ARHGEF4: variants seen among roughly 807,000 people sequenced by gnomAD.
The protein encoded by ARHGEF4 is APC-stimulated guanine nucleotide exchange factor 1.
In ARHGEF4, 119 loss-of-function variants were observed where a neutral mutation model predicts 162.0. That is an observed-to-expected ratio of 0.73 (90% confidence interval 0.63 to 0.86). ARHGEF4 has a LOEUF of 0.86. Among genes scored for constraint, ARHGEF4 ranks in the 40% least tolerant of loss-of-function variants. The pLI, the probability that ARHGEF4 is intolerant of heterozygous loss-of-function variation, is 0.00. For synonymous variants in ARHGEF4, 1,014 were observed against 979.9 expected (o/e 1.03, Z -0.65); for missense variants, 2,488 against 2,456.0 (o/e 1.01, Z -0.28).
chr2:131,007,809 T>TC, intron 4 of ARHGEF4, among the ~76,000 whole-genome samples: 1 of 129,966 alleles, frequency 7.7e-6, no homozygotes, highest in South Asian at 2.8e-4. Flanking sequence ...TCTTTTTTTT[T>TC]TTTTTTTTTT....
intron 1 of ARHGEF4, among the ~76,000 whole-genome samples, chr2:130,866,510 C>T (rs1030660100): frequency 6.6e-6 from 1 of 152,060 alleles, no homozygotes; most frequent in African/African-American, 2.4e-5. Flanking sequence ...TGATGTTAGC[C>T]GTGGGTTTCG....
intron 4 of ARHGEF4, among the ~76,000 whole-genome samples, chr2:130,968,817 C>T (rs773977354): frequency 2.6e-5 from 4 of 152,150 alleles, no homozygotes; most frequent in Non-Finnish European, 4.4e-5. Context: ...ACTTGGGAGA[C>T]TGAGGCAGGA....
At chr2:130,912,287 G>A (rs866659693) in intron 1 of ARHGEF4, among the ~76,000 whole-genome samples, 3 of 152,244 alleles carry the variant, frequency 2.0e-5, no homozygotes, top group Non-Finnish European at 2.9e-5. Context: ...CGGAGGCAGC[G>A]GCCGGAGACA....
chr2:131,032,684 C>T (rs1689930092), intron 5 of ARHGEF4, among the ~76,000 whole-genome samples: 1 of 151,550 alleles, frequency 6.6e-6, no homozygotes, highest in Non-Finnish European at 1.5e-5. Context: ...ACTGGGGGCT[C>T]ACCCCTCATC....
At chr2:130,895,479 C>A (rs1281538344) in intron 1 of ARHGEF4, among the ~76,000 whole-genome samples, 1 of 152,200 alleles carries the variant, frequency 6.6e-6, no homozygotes, top group Non-Finnish European at 1.5e-5. Flanking sequence ...TATGTTCCCA[C>A]CAGCTGAGTG....
chr2:130,935,389 T>TTC (rs1367926015), intron 3 of ARHGEF4, among the ~76,000 whole-genome samples: 1 of 152,178 alleles, frequency 6.6e-6, no homozygotes, highest in Non-Finnish European at 1.5e-5. Flanking sequence ...TCATCTTTAT[T>TTC]ATTTTCTTCC....
intron 1 of ARHGEF4, among the ~76,000 whole-genome samples, chr2:130,903,853 A>G (rs1488248336): frequency 6.6e-6 from 1 of 152,076 alleles, no homozygotes; most frequent in African/African-American, 2.4e-5. Context: ...AAAGGATTTG[A>G]TTTTGTTCTT....
chr2:130,872,996 G>A (rs1047504150), intron 1 of ARHGEF4, among the ~76,000 whole-genome samples: 2 of 152,200 alleles, frequency 1.3e-5, no homozygotes, highest in African/African-American at 4.8e-5. Context: ...TTTAGAGGCT[G>A]CAAGGCAGCA....
chr2:130,958,421 GT>G (rs1460344505), intron 4 of ARHGEF4, among the ~76,000 whole-genome samples: 1 of 151,230 alleles, frequency 6.6e-6, no homozygotes, highest in African/African-American at 2.4e-5. Context: ...TGGGGAGGCG[GT>G]GGGAGGCAAC....
At chr2:131,004,890 A>G (rs942246772) in intron 4 of ARHGEF4, among the ~76,000 whole-genome samples, 1 of 152,118 alleles carries the variant, frequency 6.6e-6, no homozygotes, top group African/African-American at 2.4e-5. Flanking sequence ...TACAGGAGCA[A>G]CCCCATTCCC....
At chr2:130,993,381 C>T (rs1357709524) in intron 4 of ARHGEF4, among the ~76,000 whole-genome samples, 1 of 152,024 alleles carries the variant, frequency 6.6e-6, no homozygotes, top group East Asian at 1.9e-4. Context: ...CCTTTGAAAC[C>T]TTTTGAAACT....
intron 4 of ARHGEF4, among the ~76,000 whole-genome samples, chr2:131,011,466 GA>G (rs1441420469): frequency 2.0e-5 from 3 of 151,970 alleles, no homozygotes; most frequent in Non-Finnish European, 4.4e-5. Context: ...TAGCAGAAGA[GA>G]AAAAAAATGC....
rs1041825927 is a variant in ARHGEF4 at position 131,034,837 on chromosome 2, A to C, written c.4126-4016A>C. 1.1e-3 allele frequency: 281 copies of C among 256,836 alleles called. 1 individual carries two copies. The highest frequency in any genetic ancestry group is 1.5e-3 in the Non-Finnish European group (246 of 162,988). The allele number at this position is 256,836 out of a possible 1,614,324, so 15.9% of individuals were successfully genotyped here. A position where few individuals can be genotyped will look rare whatever the true frequency, so the allele number is the denominator to read the frequency against. On this transcript the variant is annotated intron_variant, in intron 5 of 13. Transcript: ENST00000409359. ...AGGTGCCAAGGGCGCAGCGCAGCGC[A>C]CGCCCGAGCCGCCGCGGTCCCTCTG...
intron 3 of ARHGEF4, among the ~76,000 whole-genome samples, chr2:130,936,908 T>A (rs1233434511): frequency 3.9e-4 from 1 of 2,582 alleles, no homozygotes; most frequent in Non-Finnish European, 2.7e-3. Context: ...CTTTTTTCTT[T>A]TTTTTTTTTT....
chr2:131,010,820 A>AG (rs1423547052), intron 4 of ARHGEF4, among the ~76,000 whole-genome samples: 1 of 152,212 alleles, frequency 6.6e-6, no homozygotes, highest in African/African-American at 2.4e-5. Flanking sequence ...TTGGGACATA[A>AG]TGGAGGGAAG....
At chr2:130,981,531 C>T (rs1049729097) in intron 4 of ARHGEF4, among the ~76,000 whole-genome samples, 16 of 151,930 alleles carry the variant, frequency 1.1e-4, no homozygotes, top group Middle Eastern at 3.4e-3. Flanking sequence ...TGGTGGCAGG[C>T]GCCTGTAGTC....
chr2:130,837,660 C>A, intron 1 of ARHGEF4: 1 of 444,362 alleles, frequency 2.3e-6, no homozygotes, highest in Non-Finnish European at 4.5e-6. Flanking sequence ...GGGGCACTGT[C>A]AGGGGTGGCC....
At chr2:130,930,930 AC>A (rs757537754) in intron 2 of ARHGEF4, 21 bp from the exon 3 acceptor site, 3 of 1,587,312 alleles carry the variant, frequency 1.9e-6, no homozygotes, top group Non-Finnish European at 1.7e-6. Context: ...CTGACCCCTG[AC>A]CCGTTCTCTC....
chr2:130,964,547 G>T (rs1322751277), intron 4 of ARHGEF4, among the ~76,000 whole-genome samples: 1 of 152,226 alleles, frequency 6.6e-6, no homozygotes, highest in Admixed American at 6.5e-5. Flanking sequence ...ACTGATTAAG[G>T]TGAGACTAGA....
Sources: allele counts gnomAD v4.1 joint callset (sites outside exome capture counted in the v4.1 genomes callset), GRCh38; gene constraint gnomAD v4.1.1; transcripts MANE v1.5; gene names NCBI Gene and HGNC (gene_info 2026-07-23, HGNC 2026-07-21).